Variants in CDK5RAP1 observed in about 807,000 individuals in gnomAD.
The protein encoded by CDK5RAP1 is mitochondrial tRNA methylthiotransferase CDK5RAP1.
In CDK5RAP1, 62 loss-of-function variants were observed where a neutral mutation model predicts 64.5. The observed-to-expected ratio is 0.96, with a 90% CI of 0.78 to 1.19. The LOEUF (loss-of-function observed/expected upper bound fraction) is 1.19, where lower values mean the gene tolerates loss of function less well. Ranked by LOEUF, CDK5RAP1 falls within the 50% of genes most tolerant of loss-of-function variation. The pLI, the probability that CDK5RAP1 is intolerant of heterozygous loss-of-function variation, is 0.00. For synonymous variants in CDK5RAP1, 250 were observed against 261.9 expected, an observed-to-expected ratio of 0.95 and a Z score of 0.44; for missense variants, 657 against 735.0, an observed-to-expected ratio of 0.89 and a Z score of 1.23.
At chr20:33,394,091 G>A in intron 3 of CDK5RAP1, 25 bp from the exon 4 acceptor site, 1 of 1,525,412 alleles carries the variant, frequency 6.6e-7, no homozygotes, top group Non-Finnish European at 9.1e-7. Context: ...AGGAAAACAA[G>A]GAAAATTACA....
In CDK5RAP1 at chr20:33,366,950, C is replaced by A. The variant is rs776056882; in HGVS notation, c.1451G>T (p.Arg484Leu). The A allele has an allele frequency of 1.2e-6, 2 of 1,613,452 alleles. No individual in the cohort carries two copies. The highest frequency in any genetic ancestry group is 1.7e-6 in the Non-Finnish European group (2 of 1,179,896). ...DDVPEEVKLR[R>L]LEELITIFRE... ...GAAGATAGTGATGAGTTCCTCCAAA[C>A]GCCTTAATTTTACCTCTTCCGGGAC... The change falls in exon 12 of 14, where the codon CGT (arginine) becomes CTT (leucine). Residue 484 changes from arginine (R) to leucine (L), a missense_variant. Arg to Leu is a moderately radical substitution (Grantham distance 102, BLOSUM62 -2). Transcript: ENST00000346416.
chr20:33,361,788 T>C (rs1266482391), intron 12 of CDK5RAP1, among the ~76,000 whole-genome samples: 1 of 151,922 alleles, frequency 6.6e-6, no homozygotes, highest in African/African-American at 2.4e-5. Flanking sequence ...AAACCCCGTC[T>C]CTACTGAAAA....
intron 1 of CDK5RAP1, among the ~76,000 whole-genome samples, chr20:33,400,614 G>C (rs982370522): frequency 6.6e-6 from 1 of 152,104 alleles, no homozygotes; most frequent in Non-Finnish European, 1.5e-5. Flanking sequence ...CTTTCACAGA[G>C]AGTATTAGAG....
intron 7 of CDK5RAP1, 55 bp downstream of exon 7, chr20:33,385,595 A>T: frequency 6.4e-7 from 1 of 1,566,948 alleles, no homozygotes; most frequent in Non-Finnish European, 8.8e-7. Context: ...TACAAAGGTT[A>T]TCCTCATCCT....
At chr20:33,392,462 ATTTTTT>A (rs1202756640) in intron 4 of CDK5RAP1, among the ~76,000 whole-genome samples, 6 of 119,008 alleles carry the variant, frequency 5.0e-5, no homozygotes, top group Admixed American at 2.6e-4. Flanking sequence ...TTTGGGGGGG[ATTTTTT>A]TTTTTTTTTT....
At chr20:33,362,458 T>C (rs1196000688) in intron 12 of CDK5RAP1, among the ~76,000 whole-genome samples, 1 of 152,156 alleles carries the variant, frequency 6.6e-6, no homozygotes, top group Non-Finnish European at 1.5e-5. Context: ...GCAGCATCAC[T>C]GCCAAAAGAC....
In CDK5RAP1 at chr20:33,387,469, A is replaced by G. The variant is rs1364767429; in HGVS notation, c.609T>C (p.Ala203=). The G allele has an allele frequency of 3.1e-6, 5 of 1,614,148 alleles. No homozygotes were observed. The Admixed American group carries it at 8.3e-5, about 27-fold the overall frequency. Residue 203 remains alanine, a synonymous_variant, in exon 6 of 14, where the codon GCT becomes GCC. Coordinates refer to ENST00000346416, the MANE Select transcript of CDK5RAP1 (RefSeq NM_016408.4). ...LNREKMVDIL[A]GPDAYRDLPR... is the part of the protein sequence containing the mutation. ...GAAGGTCCCGGTAGGCATCAGGACCAGCCAAAATATCTACCATTTTCTCTC... is the reference window on the plus strand; with the variant it reads ...GAAGGTCCCGGTAGGCATCAGGACCGGCCAAAATATCTACCATTTTCTCTC...
chr20:33,388,777 G>A (rs1011587125), intron 5 of CDK5RAP1, among the ~76,000 whole-genome samples: 7 of 151,990 alleles, frequency 4.6e-5, no homozygotes, highest in East Asian at 1.9e-4. Flanking sequence ...GGCGCGCGCC[G>A]CCACGCCTGA....
At chr20:33,378,436 T>C (rs1363643783) in intron 8 of CDK5RAP1, among the ~76,000 whole-genome samples, 2 of 152,120 alleles carry the variant, frequency 1.3e-5, no homozygotes, top group Non-Finnish European at 2.9e-5. Flanking sequence ...ACAGATGTAA[T>C]AATAATGAAG....
intron 12 of CDK5RAP1, among the ~76,000 whole-genome samples, chr20:33,364,670 G>C (rs946158949): frequency 6.6e-6 from 1 of 151,832 alleles, no homozygotes; most frequent in Non-Finnish European, 1.5e-5. Flanking sequence ...CGCCTCCCAG[G>C]TTCAAGCCAT....
At chr20:33,394,824 G>A (rs1429239959) in intron 3 of CDK5RAP1, among the ~76,000 whole-genome samples, 189 bp downstream of exon 3, 2 of 152,066 alleles carry the variant, frequency 1.3e-5, no homozygotes, top group African/African-American at 2.4e-5. Flanking sequence ...GTCTGAAGGC[G>A]CACATCACCA....
At chr20:33,389,031 C>T (rs1440896272) in intron 5 of CDK5RAP1, among the ~76,000 whole-genome samples, 3 of 152,246 alleles carry the variant, frequency 2.0e-5, no homozygotes, top group Admixed American at 2.0e-4. Flanking sequence ...ATTGCAGCCT[C>T]TGCCCGGCCG....
chr20:33,376,832 T>A (rs1230450671), intron 8 of CDK5RAP1, among the ~76,000 whole-genome samples: 1 of 152,170 alleles, frequency 6.6e-6, no homozygotes, highest in African/African-American at 2.4e-5. Context: ...ATTAAGAACA[T>A]TAATGATTCA....
intron 9 of CDK5RAP1, 108 bp downstream of exon 9, chr20:33,374,007 G>T (rs910120478): frequency 5.3e-6 from 4 of 758,716 alleles, no homozygotes; most frequent in Non-Finnish European, 9.3e-6. Context: ...TTACTGAGCA[G>T]CTACTTTGTG....
chr20:33,367,445 G>A (rs1984201094), intron 11 of CDK5RAP1, among the ~76,000 whole-genome samples: 2 of 152,210 alleles, frequency 1.3e-5, no homozygotes, highest in Non-Finnish European at 2.9e-5. Flanking sequence ...CAGAATGATA[G>A]TTCTATATGT....
chr20:33,386,122 G>A lies in CDK5RAP1; in HGVS notation c.756-352C>T, dbSNP rs189138563. 2.2e-4 allele frequency among the ~76,000 whole-genome samples: 33 copies of A among 152,312 alleles called. No individual in the cohort carries two copies. In the East Asian group the frequency reaches 4.4e-3, roughly 20 times the overall value. ...CACTCTGTCACCAGGCTGGAGTGCA[G>A]TTGCAATCTCGGCTCACTGCAACCT... On this transcript the variant is annotated intron_variant, in intron 6 of 13. Coordinates refer to ENST00000346416, the MANE Select transcript of CDK5RAP1 (RefSeq NM_016408.4).
At chr20:33,400,207 G>T (rs1185618158) in intron 1 of CDK5RAP1, among the ~76,000 whole-genome samples, 2 of 152,226 alleles carry the variant, frequency 1.3e-5, no homozygotes, top group Non-Finnish European at 2.9e-5. Context: ...TGTGCAACCC[G>T]GTTCCTCACA....
chr20:33,375,366 C>A (rs577848210), intron 8 of CDK5RAP1, among the ~76,000 whole-genome samples: 1 of 147,492 alleles, frequency 6.8e-6, no homozygotes. Context: ...CACACCACTG[C>A]GCTCTAGCCT....
At chr20:33,363,191 C>G (rs1983248388) in intron 12 of CDK5RAP1, among the ~76,000 whole-genome samples, 1 of 152,168 alleles carries the variant, frequency 6.6e-6, no homozygotes, top group Non-Finnish European at 1.5e-5. Flanking sequence ...TACAAAATAA[C>G]TGGCCTGTAA....
Sources: gnomAD v4.1 joint callset for allele counts (sites outside exome capture counted in the v4.1 genomes callset) on GRCh38, gnomAD v4.1.1 for gene constraint, MANE v1.5 for transcripts, NCBI Gene and HGNC (gene_info 2026-07-23, HGNC 2026-07-21) for gene names.